The following GALNT18 variants were observed in gnomAD, a reference collection of about 807,000 sequenced individuals.
GALNT18 encodes GalNAc-transferase 18.
Under a neutral mutation model 69.5 loss-of-function variants are expected in GALNT18, and 44 were observed. That is an observed-to-expected ratio of 0.63 (90% confidence interval 0.50 to 0.81). The LOEUF (loss-of-function observed/expected upper bound fraction) is 0.81. Ranked by LOEUF, GALNT18 falls within the 40% of genes least tolerant of loss-of-function variation. The probability of loss-of-function intolerance (pLI) is 0.00; values close to 1 mark genes in which losing one functional copy is unlikely to be tolerated. For missense variants in GALNT18, 715 were observed against 810.0 expected (o/e 0.88, Z 1.42); for synonymous variants, 364 against 318.2 (o/e 1.14, Z -1.53).
At chr11:11,457,473 T>C (rs1855948791) in intron 1 of GALNT18, among the ~76,000 whole-genome samples, 1 of 152,260 alleles carries the variant, frequency 6.6e-6, no homozygotes, top group African/African-American at 2.4e-5. Context: ...GCTCCTTGGA[T>C]TGGAGGACAA....
chr11:11,590,109 T>C lies in GALNT18; in HGVS notation c.235+31250A>G, dbSNP rs1397904972. On this transcript the variant is annotated intron_variant, in intron 1 of 10. Transcript: ENST00000227756. This position sits in a 1 kb window ranked among gnomAD's most constrained non-coding sequence, Gnocchi z 4.4. ...TCATGTGGCAGACACTGCTGTGTGT[T>C]CACTAAAACCACCTTCCTTTCTTCC... 2.6e-5 allele frequency among the ~76,000 whole-genome samples: 4 copies of C among 152,254 alleles called. No homozygotes were observed. Among genetic ancestry groups the C allele is most frequent in the Admixed American group, 2.0e-4 (3 of 15,286 alleles).
At chr11:11,553,855 T>A (rs1286485008) in intron 1 of GALNT18, among the ~76,000 whole-genome samples, 1 of 152,122 alleles carries the variant, frequency 6.6e-6, no homozygotes, top group African/African-American at 2.4e-5. Flanking sequence ...ACAGTGTAGC[T>A]GAGAAATCCA....
intron 3 of GALNT18, among the ~76,000 whole-genome samples, chr11:11,425,039 A>G (rs943675151): frequency 6.6e-6 from 1 of 152,140 alleles, no homozygotes; most frequent in Non-Finnish European, 1.5e-5. Context: ...CCATGCAAAG[A>G]AGTGGCACAC....
rs7106717 is a variant in GALNT18, at chr11:11,318,211, A to C, written c.1512+8875T>G. On this transcript the variant is annotated intron_variant, in intron 9 of 10. Coordinates refer to ENST00000227756, the MANE Select transcript of GALNT18 (RefSeq NM_198516.3). This position sits in a 1 kb window ranked among gnomAD's most constrained non-coding sequence, Gnocchi z 5.1. ...TTCCACTCTTCCCATTTGGAGGTGA[A>C]CTGGGTTGGATTGTGTCACCCCAAA... Among the ~76,000 whole-genome samples, 6,145 of 152,258 alleles carry C rather than the reference A, an allele frequency of 0.04. 157 individuals are homozygous for C. The highest frequency in any genetic ancestry group is 0.057 in the Non-Finnish European group (3,852 of 68,020).
rs1412879890 is a variant in GALNT18, at chr11:11,586,891, G to A, written c.235+34468C>T. Among the ~76,000 whole-genome samples, 2 of 152,100 alleles carry A rather than the reference G, an allele frequency of 1.3e-5. No individual in the cohort carries two copies. The highest frequency in any genetic ancestry group is 2.9e-5 in the Non-Finnish European group (2 of 68,024). On this transcript the variant is annotated intron_variant, in intron 1 of 10. Transcript: ENST00000227756. This position sits in a 1 kb window ranked among gnomAD's most constrained non-coding sequence, Gnocchi z 4.1. ...TAATCCCAGCTACTCAGGAGGCTGA[G>A]GCAGGAGAATCACTTGAACCCAGGA... is the stretch of plus-strand genomic sequence containing the variant.
intron 1 of GALNT18, among the ~76,000 whole-genome samples, chr11:11,486,535 T>G (rs1028219581): frequency 1.3e-5 from 2 of 152,238 alleles, no homozygotes; most frequent in African/African-American, 4.8e-5. Context: ...GGTTGACAAC[T>G]TATTAAAAAT....
intron 6 of GALNT18, among the ~76,000 whole-genome samples, chr11:11,355,020 A>T (rs964560432): frequency 6.6e-6 from 1 of 152,158 alleles, no homozygotes; most frequent in Non-Finnish European, 1.5e-5. Flanking sequence ...CACAGCCAAC[A>T]TCCTGGTCCA....
rs1857958556 is a variant in GALNT18, at chr11:11,542,848, C to T, written c.235+78511G>A. On this transcript the variant is annotated intron_variant, in intron 1 of 10. Coordinates refer to ENST00000227756, the MANE Select transcript of GALNT18 (RefSeq NM_198516.3). This position sits in a 1 kb window ranked among gnomAD's most constrained non-coding sequence, Gnocchi z 4.3. ...TAAGGTTTTGTTTTGTTTTGCTTTG[C>T]TTTGCTTTGCTTTCTGAGACTCAGC... is the stretch of plus-strand genomic sequence containing the variant. 1.3e-5 allele frequency among the ~76,000 whole-genome samples: 2 copies of T among 152,210 alleles called. No homozygotes were observed. The highest frequency in any genetic ancestry group is 1.3e-4 in the Admixed American group (2 of 15,292).
At chr11:11,472,898 GAGA>G (rs1856303875) in intron 1 of GALNT18, among the ~76,000 whole-genome samples, 2 of 152,142 alleles carry the variant, frequency 1.3e-5, no homozygotes, top group Non-Finnish European at 2.9e-5. Context: ...AGGCTGAGGT[GAGA>G]AGATCACCTG....
intron 9 of GALNT18, among the ~76,000 whole-genome samples, chr11:11,301,091 A>G (rs1294091759): frequency 2.6e-5 from 4 of 152,144 alleles, no homozygotes; most frequent in African/African-American, 7.2e-5. Flanking sequence ...GGAGGGCAAG[A>G]AAAGACCCAG....
In GALNT18 at chr11:11,562,456, G is replaced by A. The variant is rs886446023; in HGVS notation, c.235+58903C>T. 1.3e-5 allele frequency among the ~76,000 whole-genome samples: 2 copies of A among 152,070 alleles called. No individual in the cohort carries two copies. Among genetic ancestry groups the A allele is most frequent in the African/African-American group, 2.4e-5 (1 of 41,378 alleles). On this transcript the variant is annotated intron_variant, in intron 1 of 10. Transcript: ENST00000227756. This position sits in a 1 kb window ranked among gnomAD's most constrained non-coding sequence, Gnocchi z 4.1. ...TTACATTCTGAGGTATTAGGGGTGA[G>A]GACTCCAAAATATTGTTTTAGGGGA...
intron 2 of GALNT18, among the ~76,000 whole-genome samples, chr11:11,438,320 G>A (rs144698054): frequency 3.3e-5 from 5 of 152,312 alleles, no homozygotes; most frequent in African/African-American, 1.2e-4. Flanking sequence ...AATCAAGACT[G>A]TCCCTCCTTC....
intron 3 of GALNT18, among the ~76,000 whole-genome samples, chr11:11,392,598 G>A (rs1032852641): frequency 4.6e-5 from 7 of 152,112 alleles, no homozygotes; most frequent in Non-Finnish European, 8.8e-5. Flanking sequence ...TAGCCTGGGC[G>A]ACAAAAGCGA....
chr11:11,487,386 C>T (rs1856667367), intron 1 of GALNT18, among the ~76,000 whole-genome samples: 2 of 151,998 alleles, frequency 1.3e-5, no homozygotes, highest in South Asian at 2.1e-4. Context: ...AACCAAATAC[C>T]ACCTGTTCCC....
At position 11,613,375 on chromosome 11, in the gene GALNT18, G is replaced by A. The variant is rs189135009; in HGVS notation, c.235+7984C>T. ...TAATTAGTGAGTAACAATAATTTAA[G>A]TACCAAAGCTTATGAATGATTAGCT... On this transcript the variant is annotated intron_variant, in intron 1 of 10. Transcript: ENST00000227756. This position sits in a 1 kb window ranked among gnomAD's most constrained non-coding sequence, Gnocchi z 4.2. Among the ~76,000 whole-genome samples, 115 of 152,310 alleles carry A rather than the reference G, an allele frequency of 7.6e-4. 1 individual carries two copies. Among genetic ancestry groups the A allele is most frequent in the African/African-American group, 2.6e-3 (110 of 41,570 alleles).
chr11:11,295,417 T>C (rs1849380832), intron 9 of GALNT18, among the ~76,000 whole-genome samples: 1 of 152,052 alleles, frequency 6.6e-6, no homozygotes, highest in South Asian at 2.1e-4. Context: ...CCCAGTGGAA[T>C]GAGAGGACAG....
intron 10 of GALNT18, among the ~76,000 whole-genome samples, chr11:11,279,489 AAACT>A: frequency 6.6e-6 from 1 of 152,220 alleles, no homozygotes; most frequent in Non-Finnish European, 1.5e-5. Flanking sequence ...ACGATTTATA[AAACT>A]AACCTGGAGA....
At chr11:11,482,812 C>A (rs948007852) in intron 1 of GALNT18, among the ~76,000 whole-genome samples, 1 of 152,100 alleles carries the variant, frequency 6.6e-6, no homozygotes. Flanking sequence ...GGAAATAAAC[C>A]CTCCAAGGTC....
At chr11:11,363,611 T>G (rs966949586) in intron 6 of GALNT18, among the ~76,000 whole-genome samples, 2 of 152,206 alleles carry the variant, frequency 1.3e-5, no homozygotes, top group Non-Finnish European at 1.5e-5. Context: ...AGTAAAATTC[T>G]GTTGTCCTAA....
Sources: allele counts gnomAD v4.1 joint callset (sites outside exome capture counted in the v4.1 genomes callset), GRCh38; gene constraint gnomAD v4.1.1; non-coding constraint Gnocchi (gnomAD v3.1); transcripts MANE v1.5; gene names NCBI Gene and HGNC (gene_info 2026-07-23, HGNC 2026-07-21).